ZNF804B: variants seen among roughly 807,000 people sequenced by gnomAD.
The protein encoded by ZNF804B is zinc finger 804B.
A neutral mutation model predicts 101.4 loss-of-function variants in ZNF804B; 80 were observed. The observed-to-expected ratio is 0.79, with a 90% CI of 0.66 to 0.95. ZNF804B has a LOEUF of 0.95. ZNF804B is among the 40% of genes least tolerant of loss of function. The probability of loss-of-function intolerance (pLI) is 0.00; values close to 1 mark genes in which losing one functional copy is unlikely to be tolerated. For missense variants in ZNF804B, 1,673 were observed against 1,561.9 expected (o/e 1.07, Z -1.20); for synonymous variants, 622 against 558.8 (o/e 1.11, Z -1.59).
In ZNF804B at chr7:89,256,254, C is replaced by A. The variant is rs558081461; in HGVS notation, c.249+37959C>A. 1.2e-4 allele frequency among the ~76,000 whole-genome samples: 19 copies of A among 152,116 alleles called. No individual in the cohort carries two copies. The South Asian group carries it at 3.7e-3, about 30-fold the overall frequency. ...AAAAATTGGAAACCACTCAAATAAG[C>A]CATTAAAAGGGTCTGGCTGCTGGGC... On this transcript the variant is annotated intron_variant, in intron 2 of 3. Transcript: ENST00000333190.
chr7:89,123,456 G>A (rs1474297693), intron 1 of ZNF804B, among the ~76,000 whole-genome samples: 4 of 152,056 alleles, frequency 2.6e-5, no homozygotes, highest in Non-Finnish European at 5.9e-5. Context: ...CCTTGAAATT[G>A]TCCATGGCTC....
intron 1 of ZNF804B, among the ~76,000 whole-genome samples, chr7:88,994,071 G>A (rs1793885419): frequency 6.6e-6 from 1 of 151,634 alleles, no homozygotes; most frequent in African/African-American, 2.4e-5. Flanking sequence ...TTTCCTTATT[G>A]ATTCTTCATC....
At chr7:88,784,222 A>G (rs559361699) in intron 1 of ZNF804B, among the ~76,000 whole-genome samples, 1 of 152,274 alleles carries the variant, frequency 6.6e-6, no homozygotes, top group Admixed American at 6.5e-5. Flanking sequence ...TTAACTGTAA[A>G]AGTTTGACCA....
intron 1 of ZNF804B, among the ~76,000 whole-genome samples, chr7:89,026,306 A>T (rs1461872739): frequency 6.6e-6 from 1 of 152,188 alleles, no homozygotes; most frequent in African/African-American, 2.4e-5. Context: ...CATGTAGGGG[A>T]CAATAGCTTA....
chr7:88,764,756 A>C (rs2115614519), intron 1 of ZNF804B, among the ~76,000 whole-genome samples: 1 of 152,276 alleles, frequency 6.6e-6, no homozygotes, highest in South Asian at 2.1e-4. Context: ...AAGACTTTCA[A>C]AATTGCTCTT....
At chr7:88,947,000 A>G (rs1189809240) in intron 1 of ZNF804B, among the ~76,000 whole-genome samples, 1 of 152,050 alleles carries the variant, frequency 6.6e-6, no homozygotes, top group Non-Finnish European at 1.5e-5. Context: ...GTGGTAATTA[A>G]AAAGTCAGGA....
rs1029919901 is a variant in ZNF804B, at chr7:89,310,529, AT to A, written c.250-16812del. ...TTCAAAGAGAGTTCTATTTCAGAAG[AT>A]TTAGGTAGGAAATTAAGGAAATTGC... On this transcript the variant is annotated intron_variant, in intron 2 of 3. Coordinates refer to ENST00000333190, the MANE Select transcript of ZNF804B (RefSeq NM_181646.5). Among the ~76,000 whole-genome samples the A allele has an allele frequency of 1.3e-3, 194 of 152,172 alleles. 1 individual carries two copies. Among genetic ancestry groups the A allele is most frequent in the African/African-American group, 4.4e-3 (181 of 41,508 alleles).
intron 1 of ZNF804B, among the ~76,000 whole-genome samples, chr7:88,831,914 T>A (rs1319967922): frequency 2.6e-5 from 4 of 152,104 alleles, no homozygotes; most frequent in Non-Finnish European, 5.9e-5. Context: ...CTTTTTGTTC[T>A]ATAGATGTGA....
At chr7:88,885,780 T>C (rs549625744) in intron 1 of ZNF804B, among the ~76,000 whole-genome samples, 1 of 151,782 alleles carries the variant, frequency 6.6e-6, no homozygotes, top group South Asian at 2.1e-4. Context: ...AAAAGCCATC[T>C]TATATGCGTC....
At chr7:88,968,544 T>G (rs1793488855) in intron 1 of ZNF804B, among the ~76,000 whole-genome samples, 1 of 151,664 alleles carries the variant, frequency 6.6e-6, no homozygotes, top group South Asian at 2.1e-4. Flanking sequence ...AAGATTGTGT[T>G]GAGACTGATA....
chr7:89,095,042 A>G (rs1041421244), intron 1 of ZNF804B, among the ~76,000 whole-genome samples: 6 of 152,148 alleles, frequency 3.9e-5, no homozygotes, highest in African/African-American at 1.4e-4. Flanking sequence ...TGTTTTTGCT[A>G]TGGTTTGAAT....
chr7:88,907,322 G>A (rs1792488223), intron 1 of ZNF804B, among the ~76,000 whole-genome samples: 1 of 151,752 alleles, frequency 6.6e-6, no homozygotes, highest in Admixed American at 6.6e-5. Context: ...GGTGTGTTTT[G>A]CCCATTTAAA....
At chr7:89,064,747 T>G (rs945168379) in intron 1 of ZNF804B, among the ~76,000 whole-genome samples, 2 of 152,120 alleles carry the variant, frequency 1.3e-5, no homozygotes, top group African/African-American at 4.8e-5. Flanking sequence ...TCCTTGTAAT[T>G]ATCTCTCATC....
intron 1 of ZNF804B, among the ~76,000 whole-genome samples, chr7:89,098,613 G>A (rs889647550): frequency 6.6e-6 from 1 of 152,000 alleles, no homozygotes; most frequent in African/African-American, 2.4e-5. Flanking sequence ...ATGAGGAGTA[G>A]CTAAAAACAA....
chr7:89,014,805 G>A (rs753758231), intron 1 of ZNF804B, among the ~76,000 whole-genome samples: 4 of 151,956 alleles, frequency 2.6e-5, no homozygotes, highest in Non-Finnish European at 4.4e-5. Flanking sequence ...TCATAGGTTG[G>A]CTTTCCACTC....
At chr7:89,218,008 A>G (rs1271463042) in intron 1 of ZNF804B, 147 bp from the exon 2 acceptor site, 6 of 774,168 alleles carry the variant, frequency 7.8e-6, no homozygotes, top group Non-Finnish European at 1.0e-5. Context: ...ATGCAAAACT[A>G]AAAGTTATTC....
chr7:89,244,943 T>TAGG (rs528313926), intron 2 of ZNF804B, among the ~76,000 whole-genome samples: 17 of 152,292 alleles, frequency 1.1e-4, no homozygotes, highest in African/African-American at 4.1e-4. Flanking sequence ...TCAGGCAACT[T>TAGG]ACACTGGCAA....
chr7:89,107,863 C>T (rs979444528), intron 1 of ZNF804B, among the ~76,000 whole-genome samples: 2 of 152,066 alleles, frequency 1.3e-5, no homozygotes, highest in Admixed American at 6.6e-5. Flanking sequence ...TCTGAATTTC[C>T]TTTGGGTTCT....
intron 1 of ZNF804B, among the ~76,000 whole-genome samples, chr7:88,829,332 T>C (rs1169031095): frequency 6.6e-6 from 1 of 152,124 alleles, no homozygotes; most frequent in African/African-American, 2.4e-5. Flanking sequence ...GGATTAATTC[T>C]CCCAAAGCCA....
Sources: allele counts gnomAD v4.1 joint callset (sites outside exome capture counted in the v4.1 genomes callset), GRCh38; gene constraint gnomAD v4.1.1; transcripts MANE v1.5; gene names NCBI Gene and HGNC (gene_info 2026-07-23, HGNC 2026-07-21).